Variants in IQSEC3 observed in about 807,000 individuals in gnomAD.
IQSEC3 encodes the protein IQ motif and SEC7 domain-containing protein 3.
In IQSEC3, 50 loss-of-function variants were observed where a neutral mutation model predicts 105.4. That is an observed-to-expected ratio of 0.47 (90% CI 0.38 to 0.60). IQSEC3 has a LOEUF of 0.60. IQSEC3 is among the 20% of genes least tolerant of loss of function. IQSEC3 has a pLI of 0.00. For missense variants in IQSEC3, 1,415 were observed against 1,630.0 expected, an observed-to-expected ratio of 0.87 and a Z score of 2.27; for synonymous variants, 708 against 746.0, an observed-to-expected ratio of 0.95 and a Z score of 0.83.
rs562725283 is a variant in IQSEC3 at position 69,309 on chromosome 12, C to T, written c.554+1873C>T. Among the ~76,000 whole-genome samples, 8 of 152,390 alleles carry T rather than the reference C, an allele frequency of 5.2e-5. No individual in the cohort carries two copies. In the East Asian group the frequency reaches 5.8e-4, roughly 11 times the overall value. On this transcript the variant is annotated intron_variant, in intron 1 of 13. Coordinates refer to ENST00000538872, the MANE Select transcript of IQSEC3 (RefSeq NM_001170738.2). ...TAGCCATAGCCTTCAGAGTGGCCTA[C>T]GGAACCCAAACCCTTTCACTCAGTT... is the stretch of plus-strand genomic sequence containing the variant.
intron 3 of IQSEC3, among the ~76,000 whole-genome samples, chr12:134,985 C>T (rs1865715275): frequency 6.6e-6 from 1 of 152,188 alleles, no homozygotes; most frequent in African/African-American, 2.4e-5. Context: ...CAAAAATTAG[C>T]CAGGCACAGT....
At chr12:166,029 C>A in intron 11 of IQSEC3, 139 bp downstream of exon 11, 1 of 882,362 alleles carries the variant, frequency 1.1e-6, no homozygotes, top group Non-Finnish European at 1.7e-6. Context: ...CACCGCACCA[C>A]ACTCCCACAG....
rs548183925 is a variant in IQSEC3 at position 101,916 on chromosome 12, C to T, written c.623+2702C>T. 5.3e-5 allele frequency among the ~76,000 whole-genome samples: 8 copies of T among 152,310 alleles called. No individual in the cohort carries two copies. The South Asian group carries it at 1.7e-3, about 32-fold the overall frequency. ...ACCAAACCTCATCCCTTCCCCTAGC[C>T]CAGCTGTCCCACCTCCAGAGCATAG... On this transcript the variant is annotated intron_variant, in intron 2 of 13. Transcript: ENST00000538872.
At chr12:126,698 T>C (rs1469461164) in intron 3 of IQSEC3, among the ~76,000 whole-genome samples, 11 of 152,162 alleles carry the variant, frequency 7.2e-5, no homozygotes, top group Non-Finnish European at 8.8e-5. Context: ...AGTTGCCAGT[T>C]AAACCCTCTG....
intron 5 of IQSEC3, among the ~76,000 whole-genome samples, chr12:154,363 C>CT (rs1188689927): frequency 2.6e-5 from 4 of 152,194 alleles, no homozygotes; most frequent in African/African-American, 9.7e-5. Context: ...CCTCCCAGCA[C>CT]CCCCACCATT....
At chr12:107,426 T>TC in intron 2 of IQSEC3, among the ~76,000 whole-genome samples, 1 of 146,474 alleles carries the variant, frequency 6.8e-6, no homozygotes, top group Non-Finnish European at 1.5e-5. Context: ...TTTTTTTTTT[T>TC]TGAGACGGAG....
chr12:128,239 G>A (rs188939826), intron 3 of IQSEC3, among the ~76,000 whole-genome samples: 2 of 152,236 alleles, frequency 1.3e-5, no homozygotes, highest in African/African-American at 2.4e-5. Flanking sequence ...TCAGCCCTGT[G>A]TCAGCATTTC....
At chr12:165,921 G>A (rs1867153632) in intron 11 of IQSEC3, 31 bp downstream of exon 11, 1 of 1,605,124 alleles carries the variant, frequency 6.2e-7, no homozygotes. Flanking sequence ...GGCAGCTGGT[G>A]GGGGTTCCCA....
chr12:86,039 G>T (rs1044462974), intron 1 of IQSEC3, among the ~76,000 whole-genome samples: 15 of 152,200 alleles, frequency 9.9e-5, no homozygotes, highest in African/African-American at 3.4e-4. Flanking sequence ...AGATGAATTG[G>T]TCACAGGCAT....
rs781833558 is a variant in IQSEC3 at position 138,986 on chromosome 12, C to G, written c.1623C>G (p.Pro541=). Reference sequence around the variant, plus strand: ...CTGGGCGGGAGGCCCCGGAAGCCCCCGCCGTGGGCCGGGAGGACGCGTCAG... The same window carrying G: ...CTGGGCGGGAGGCCCCGGAAGCCCCGGCCGTGGGCCGGGAGGACGCGTCAG... ...ETSGREAPEA[P]AVGREDASAE... is the part of the protein sequence containing the mutation. Residue 541 remains proline (P), a synonymous_variant, in exon 4 of 14, where the codon CCC becomes CCG. Coordinates refer to ENST00000538872, the MANE Select transcript of IQSEC3 (RefSeq NM_001170738.2). This position sits in a 1 kb window ranked among gnomAD's most constrained non-coding sequence, Gnocchi z 7.1. The G allele has an allele frequency of 1.2e-5, 18 of 1,535,850 alleles. No homozygotes were observed. The highest frequency in any genetic ancestry group is 1.5e-5 in the Non-Finnish European group (17 of 1,141,192).
chr12:165,689 C>A, intron 10 of IQSEC3, 40 bp from the exon 11 acceptor site: 1 of 1,607,510 alleles, frequency 6.2e-7, no homozygotes, highest in Non-Finnish European at 8.5e-7. Context: ...TCGGCTGCTG[C>A]TGCTCACAGC....
intron 5 of IQSEC3, among the ~76,000 whole-genome samples, chr12:151,856 C>T (rs989127028): frequency 1.3e-5 from 2 of 152,174 alleles, no homozygotes; most frequent in African/African-American, 2.4e-5. Context: ...TCCCCTCTCT[C>T]CTTCCTTTGG....
rs143760704 is a variant in IQSEC3 at position 161,940 on chromosome 12, G to A, written c.2458G>A (p.Ala820Thr). The A allele has an allele frequency of 6.8e-5, 110 of 1,610,104 alleles. No homozygotes were observed. Among genetic ancestry groups the A allele is most frequent in the Non-Finnish European group, 8.6e-5 (101 of 1,178,554 alleles). Residue 820 changes from alanine to threonine, a missense_variant, in exon 8 of 14, where the codon GCT (alanine) becomes ACT (threonine). Around this residue, in one of 6 missense-constraint regions of IQSEC3, gnomAD observed 213 missense variants for 306.2 expected, o/e 0.70. Transcript: ENST00000538872. ...CACGTTGTTAGGTGTGGACGATGGC[G>A]CTGACATCCCCAGGGAGCTGGTGGT... ...IRNLRGVDDGADIPRELVVGI... is the reference protein window; with the variant it reads ...IRNLRGVDDGTDIPRELVVGI...
intron 2 of IQSEC3, among the ~76,000 whole-genome samples, chr12:101,459 C>T (rs782033152): frequency 5.9e-5 from 9 of 152,106 alleles, no homozygotes; most frequent in East Asian, 3.9e-4. Context: ...CTGGGAGGTG[C>T]GGGCTTTGAG....
intron 3 of IQSEC3, among the ~76,000 whole-genome samples, chr12:137,185 T>C (rs567074728): frequency 3.7e-4 from 57 of 152,310 alleles, no homozygotes; most frequent in Admixed American, 1.4e-3. Flanking sequence ...CCACGTTTAC[T>C]GAGCAGCTAA....
Position 131,611 on chromosome 12 carries a change from C to T in IQSEC3, c.903+5699C>T, listed in dbSNP as rs930257702. On this transcript the variant is annotated intron_variant, in intron 3 of 13. Coordinates refer to ENST00000538872, the MANE Select transcript of IQSEC3 (RefSeq NM_001170738.2). Reference sequence around the variant, plus strand: ...ATTCAGTTTAGTTCATGTCTGCAAACACTTATTCAGCCTCAGCCACAGGTC... The same window carrying T: ...ATTCAGTTTAGTTCATGTCTGCAAATACTTATTCAGCCTCAGCCACAGGTC... Among the ~76,000 whole-genome samples the T allele has an allele frequency of 7.9e-5, 12 of 152,346 alleles. 1 individual carries two copies. The highest frequency in any genetic ancestry group is 1.4e-4 in the African/African-American group (6 of 41,574).
intron 7 of IQSEC3, 39 bp downstream of exon 7, chr12:157,733 CG>C: frequency 2.5e-6 from 4 of 1,583,420 alleles, no homozygotes; most frequent in Non-Finnish European, 3.4e-6. Context: ...GGCAAGGCCA[CG>C]GCTCAGGCCC....
intron 2 of IQSEC3, among the ~76,000 whole-genome samples, chr12:104,109 A>T (rs868916803): frequency 2.6e-5 from 4 of 152,104 alleles, no homozygotes; most frequent in Non-Finnish European, 5.9e-5. Flanking sequence ...TGAACGTGCC[A>T]GGGACAACGT....
intron 2 of IQSEC3, among the ~76,000 whole-genome samples, chr12:120,088 A>T (rs1171848300): frequency 6.6e-6 from 1 of 152,246 alleles, no homozygotes; most frequent in Non-Finnish European, 1.5e-5. Flanking sequence ...TACCTGTGAT[A>T]AAAAGGTGCA....
Sources: gnomAD v4.1 joint callset for allele counts (sites outside exome capture counted in the v4.1 genomes callset) on GRCh38, gnomAD v4.1.1 for gene constraint, gnomAD v4.1.1 regional missense constraint, Gnocchi (gnomAD v3.1) non-coding constraint, MANE v1.5 for transcripts, NCBI Gene and HGNC (gene_info 2026-07-23, HGNC 2026-07-21) for gene names.